MPPED2: variants seen among roughly 807,000 people sequenced by gnomAD.
MPPED2 encodes metallophosphoesterase domain containing 2.
MPPED2 carries 5 observed loss-of-function variants against 33.0 expected under a neutral mutation model. That is an observed-to-expected ratio of 0.15 (90% CI 0.08 to 0.32). The LOEUF (loss-of-function observed/expected upper bound fraction) is 0.32. MPPED2 is among the 10% of genes least tolerant of loss of function. The pLI, the probability that MPPED2 is intolerant of heterozygous loss-of-function variation, is 1.00. For synonymous variants in MPPED2, 136 were observed against 141.9 expected (o/e 0.96, Z 0.29); for missense variants, 275 against 372.1 (o/e 0.74, Z 2.15).
chr11:30,529,324 G>A (rs1161807297), intron 3 of MPPED2, among the ~76,000 whole-genome samples: 1 of 152,164 alleles, frequency 6.6e-6, no homozygotes, highest in African/African-American at 2.4e-5. Flanking sequence ...ATGGAGGAAT[G>A]TATATTTTAT....
chr11:30,398,437 C>T (rs988054080), intron 6 of MPPED2, among the ~76,000 whole-genome samples: 1 of 151,986 alleles, frequency 6.6e-6, no homozygotes, highest in East Asian at 1.9e-4. Context: ...CCTGGGGGTA[C>T]CATTCATTCA....
chr11:30,409,292 C>T (rs1041526670), downstream of MPPED2, among the ~76,000 whole-genome samples: 9 of 152,124 alleles, frequency 5.9e-5, no homozygotes, highest in Non-Finnish European at 1.3e-4. Context: ...GAAGTGAACA[C>T]CCTCTTCTAC....
At chr11:30,406,464 T>C (rs74924532), downstream of MPPED2, among the ~76,000 whole-genome samples, 1,040 of 152,254 alleles carry the variant, frequency 6.8e-3, 9 homozygotes, top group African/African-American at 0.022. Flanking sequence ...CCAGGGAAGA[T>C]TGGAGCTTCT....
At position 30,583,711 on chromosome 11, in the gene MPPED2, C is replaced by T. The variant is rs1423520145; in HGVS notation, c.-122+2331G>A. Among the ~76,000 whole-genome samples the T allele has an allele frequency of 3.3e-5, 5 of 152,202 alleles. No homozygotes were observed. In the East Asian group the frequency reaches 9.6e-4, roughly 29 times the overall value. On this transcript the variant is annotated intron_variant, in intron 1 of 6. Coordinates refer to ENST00000358117, the MANE Select transcript of MPPED2 (RefSeq NM_001584.3). ...TAAATAACTGTCTCCACCTCCTAGA[C>T]ACCAGAAGTCCAATTTACCAAAACT...
chr11:30,468,556 G>T (rs1950818304), intron 4 of MPPED2, among the ~76,000 whole-genome samples: 1 of 152,082 alleles, frequency 6.6e-6, no homozygotes, highest in Non-Finnish European at 1.5e-5. Context: ...GGTAAAAGGA[G>T]GAGAAGAGGT....
chr11:30,575,640 C>A (rs549053949), intron 2 of MPPED2, among the ~76,000 whole-genome samples: 117 of 152,278 alleles, frequency 7.7e-4, no homozygotes, highest in South Asian at 1.9e-3. Flanking sequence ...TTTGTTTTAA[C>A]CACAGATAGA....
intron 4 of MPPED2, among the ~76,000 whole-genome samples, chr11:30,449,323 A>G (rs1949949419): frequency 6.6e-6 from 1 of 152,190 alleles, no homozygotes; most frequent in East Asian, 1.9e-4. Flanking sequence ...CTTTGTCATA[A>G]GGAGTATTTT....
At chr11:30,461,013 T>C (rs1590366232) in intron 4 of MPPED2, among the ~76,000 whole-genome samples, 1 of 152,172 alleles carries the variant, frequency 6.6e-6, no homozygotes, top group Non-Finnish European at 1.5e-5. Context: ...AAATGTGATA[T>C]ATAAACACAG....
At chr11:30,386,867 A>G (rs560519560) in exon 7 of MPPED2, 1 of 398,254 alleles carries the variant, frequency 2.5e-6, no homozygotes, top group African/African-American at 2.1e-5. Flanking sequence ...TAGTAGTAGT[A>G]ATAATAATAG....
intron 4 of MPPED2, among the ~76,000 whole-genome samples, chr11:30,431,680 G>A (rs1949083305): frequency 6.6e-6 from 1 of 152,102 alleles, no homozygotes; most frequent in African/African-American, 2.4e-5. Context: ...ATCTTCTATA[G>A]CCATTGAATT....
At chr11:30,489,149 A>C (rs959590488) in intron 4 of MPPED2, among the ~76,000 whole-genome samples, 2 of 151,662 alleles carry the variant, frequency 1.3e-5, no homozygotes, top group African/African-American at 4.8e-5. Flanking sequence ...ATTCTATCAT[A>C]TGAGTTGCCA....
chr11:30,511,027 A>C (rs1268334671), intron 3 of MPPED2, among the ~76,000 whole-genome samples: 1 of 152,088 alleles, frequency 6.6e-6, no homozygotes, highest in Non-Finnish European at 1.5e-5. Flanking sequence ...ACTTTTCTTT[A>C]TGTTTTGGCT....
chr11:30,575,404 A>G (rs1391612113), intron 2 of MPPED2, among the ~76,000 whole-genome samples: 1 of 152,178 alleles, frequency 6.6e-6, no homozygotes, highest in Non-Finnish European at 1.5e-5. Context: ...AATGCTCACA[A>G]CCATATTAAA....
intron 6 of MPPED2, among the ~76,000 whole-genome samples, chr11:30,401,655 T>C (rs543616604): frequency 6.6e-6 from 1 of 152,292 alleles, no homozygotes; most frequent in South Asian, 2.1e-4. Context: ...TTTCAAAATT[T>C]TCTGATGAAA....
intron 3 of MPPED2, among the ~76,000 whole-genome samples, chr11:30,535,708 G>A (rs932520680): frequency 2.6e-5 from 4 of 152,162 alleles, no homozygotes; most frequent in African/African-American, 9.7e-5. Context: ...GTGTGCCAAT[G>A]AATGCCCTCA....
At position 30,580,395 on chromosome 11, in the gene MPPED2, G is replaced by A. The variant is rs999588043; in HGVS notation, c.-22C>T. On this transcript the variant is annotated 5_prime_UTR_variant, in exon 2 of 7. Coordinates refer to ENST00000358117, the MANE Select transcript of MPPED2 (RefSeq NM_001584.3). ...CCATCCTTCCTCCCTATAGGCATGAGCAATTCACAACTTTACAGAGCAAAA... is the reference window on the plus strand; with the variant it reads ...CCATCCTTCCTCCCTATAGGCATGAACAATTCACAACTTTACAGAGCAAAA... 3.7e-6 allele frequency: 6 copies of A among 1,613,022 alleles called. No individual in the cohort carries two copies. Among genetic ancestry groups the A allele is most frequent in the African/African-American group, 1.3e-5 (1 of 74,808 alleles).
At chr11:30,513,441 C>T (rs1953343571) in intron 3 of MPPED2, among the ~76,000 whole-genome samples, 1 of 152,152 alleles carries the variant, frequency 6.6e-6, no homozygotes, top group Non-Finnish European at 1.5e-5. Context: ...CTCTTCGTGG[C>T]CAATTGATGG....
chr11:30,521,565 A>G (rs1953880254), intron 3 of MPPED2, among the ~76,000 whole-genome samples: 2 of 152,260 alleles, frequency 1.3e-5, no homozygotes. Context: ...TCCATTAAAC[A>G]AACCTAGTTT....
chr11:30,560,930 A>C (rs897410260), intron 2 of MPPED2, among the ~76,000 whole-genome samples: 17 of 152,218 alleles, frequency 1.1e-4, no homozygotes, highest in African/African-American at 4.1e-4. Context: ...TGTTAACGTG[A>C]ACCCTGGGTT....
Sources: allele counts gnomAD v4.1 joint callset (sites outside exome capture counted in the v4.1 genomes callset), GRCh38; gene constraint gnomAD v4.1.1; transcripts MANE v1.5; gene names NCBI Gene and HGNC (gene_info 2026-07-23, HGNC 2026-07-21).